NECAB1: variants seen among roughly 807,000 people sequenced by gnomAD.
NECAB1 encodes the protein N-terminal EF-hand calcium binding protein 1, also known as N-terminal EF-hand calcium-binding protein 1.
Under a neutral mutation model 57.5 loss-of-function variants are expected in NECAB1, and 29 were observed. The ratio of observed to expected loss-of-function variants is 0.50; its 90% CI spans 0.38 to 0.69. The LOEUF is 0.69. Ranked by LOEUF, NECAB1 falls within the 30% of genes least tolerant of loss-of-function variation. The probability of loss-of-function intolerance (pLI) is 0.00; values close to 1 mark genes in which losing one functional copy is unlikely to be tolerated. For missense variants in NECAB1, 372 were observed against 413.8 expected, an observed-to-expected ratio of 0.90 and a Z score of 0.88; for synonymous variants, 142 against 147.7, an observed-to-expected ratio of 0.96 and a Z score of 0.28.
intron 11 of NECAB1, among the ~76,000 whole-genome samples, chr8:90,950,860 C>G (rs1190851701): frequency 6.6e-6 from 1 of 152,004 alleles, no homozygotes; most frequent in African/African-American, 2.4e-5. Flanking sequence ...GCAATAAAAT[C>G]TACTTTTTAT....
intron 4 of NECAB1, among the ~76,000 whole-genome samples, chr8:90,875,844 C>A (rs907482472): frequency 1.8e-3 from 155 of 88,170 alleles, no homozygotes; most frequent in Non-Finnish European, 1.9e-3. Flanking sequence ...ACTAAAAATA[C>A]AAAAAAAAAA....
chr8:90,794,696 T>A (rs896908829), intron 1 of NECAB1, among the ~76,000 whole-genome samples: 1 of 152,202 alleles, frequency 6.6e-6, no homozygotes, highest in Non-Finnish European at 1.5e-5. Context: ...CTATGATACT[T>A]CCTTAGGCTG....
rs191512329 is a variant in NECAB1, at chr8:90,932,762, G to C, written c.694-1542G>C. On this transcript the variant is annotated intron_variant, in intron 8 of 12. Coordinates refer to ENST00000417640, the MANE Select transcript of NECAB1 (RefSeq NM_022351.5). Reference sequence around the variant, plus strand: ...ATAGTCTGGATTTCTACAGTTTTCAGTTTACTTCTTATTTATTTGAAGGAG... The same window carrying C: ...ATAGTCTGGATTTCTACAGTTTTCACTTTACTTCTTATTTATTTGAAGGAG... 1.1e-4 allele frequency among the ~76,000 whole-genome samples: 16 copies of C among 152,286 alleles called. No individual in the cohort carries two copies. In the South Asian group the frequency reaches 1.4e-3, roughly 14 times the overall value.
chr8:90,938,815 T>C (rs1810601878), intron 9 of NECAB1, among the ~76,000 whole-genome samples: 1 of 152,188 alleles, frequency 6.6e-6, no homozygotes, highest in Non-Finnish European at 1.5e-5. Context: ...AACATAATAA[T>C]GCATCCCCAA....
intron 5 of NECAB1, among the ~76,000 whole-genome samples, chr8:90,892,134 G>T (rs1809195612): frequency 1.3e-5 from 2 of 152,132 alleles, no homozygotes; most frequent in South Asian, 2.1e-4. Context: ...ATTTTTCCTG[G>T]TTTTCTCAGG....
chr8:90,955,547 CA>C lies in NECAB1; in HGVS notation c.*39del. The C allele has an allele frequency of 6.7e-7, 1 of 1,502,528 alleles. No individual in the cohort carries two copies. Among genetic ancestry groups the C allele is most frequent in the South Asian group, 1.3e-5 (1 of 78,746 alleles). The allele number at this position is 1,502,528 out of a possible 1,614,324, so 93.1% of individuals were successfully genotyped here. A position where few individuals can be genotyped will look rare whatever the true frequency, so the allele number is the denominator to read the frequency against. On this transcript the variant is annotated 3_prime_UTR_variant, in exon 13 of 13. Transcript: ENST00000417640. ...GACATTTTCTTTATGGTTCCAAGTGCAAAACAGGTGTTCTTATCTAAAACGT... is the reference window on the plus strand; with the variant it reads ...GACATTTTCTTTATGGTTCCAAGTGCAAACAGGTGTTCTTATCTAAAACGT...
chr8:90,948,183 A>G (rs1810852243), intron 10 of NECAB1, among the ~76,000 whole-genome samples: 1 of 152,200 alleles, frequency 6.6e-6, no homozygotes, highest in Admixed American at 6.5e-5. Flanking sequence ...TTCCTAGGAA[A>G]ACATATATAT....
chr8:90,824,615 C>T (rs961327338), intron 2 of NECAB1, 102 bp from the exon 3 acceptor site: 20 of 625,168 alleles, frequency 3.2e-5, no homozygotes, highest in Middle Eastern at 4.4e-4. Context: ...TTTGAGTACA[C>T]GTGTGTACAT....
intron 2 of NECAB1, among the ~76,000 whole-genome samples, chr8:90,817,365 G>A (rs1812076151): frequency 6.6e-6 from 1 of 151,286 alleles, no homozygotes; most frequent in South Asian, 2.1e-4. Flanking sequence ...CAATAGGATT[G>A]GTGAAAAAGG....
At chr8:90,870,519 G>A (rs1333647629) in intron 3 of NECAB1, among the ~76,000 whole-genome samples, 2 of 152,016 alleles carry the variant, frequency 1.3e-5, no homozygotes, top group African/African-American at 4.8e-5. Flanking sequence ...TTTTATTACA[G>A]TGTTTCTTTT....
intron 5 of NECAB1, among the ~76,000 whole-genome samples, chr8:90,888,020 T>G (rs1809051496): frequency 6.6e-6 from 1 of 152,158 alleles, no homozygotes. Flanking sequence ...TTTTCATGAT[T>G]GTTTTCTATT....
At chr8:90,945,704 T>C (rs1810790038) in intron 10 of NECAB1, among the ~76,000 whole-genome samples, 1 of 152,144 alleles carries the variant, frequency 6.6e-6, no homozygotes, top group African/African-American at 2.4e-5. Flanking sequence ...TTAAAATCTT[T>C]AATCCCACCT....
At chr8:90,829,381 G>T (rs1278780663) in intron 3 of NECAB1, among the ~76,000 whole-genome samples, 4 of 152,044 alleles carry the variant, frequency 2.6e-5, no homozygotes, top group Non-Finnish European at 4.4e-5. Flanking sequence ...AAACTATGAT[G>T]AATTTAGCAT....
chr8:90,834,164 C>CAAA (rs71560282), intron 3 of NECAB1, among the ~76,000 whole-genome samples: 185 of 48,788 alleles, frequency 3.8e-3, no homozygotes, highest in Middle Eastern at 0.014. Context: ...AACTGTGTCT[C>CAAA]AAAAAAAAAA....
chr8:90,851,510 T>C (rs771076631), intron 3 of NECAB1, among the ~76,000 whole-genome samples: 1 of 152,142 alleles, frequency 6.6e-6, no homozygotes, highest in Non-Finnish European at 1.5e-5. Flanking sequence ...TCCAGACTGT[T>C]GGAGAATTGC....
chr8:90,843,042 C>T (rs183134327), intron 3 of NECAB1, among the ~76,000 whole-genome samples: 61 of 152,188 alleles, frequency 4.0e-4, no homozygotes, highest in Admixed American at 2.0e-3. Context: ...GCTGGGGAGG[C>T]CTCCCAGTCA....
At chr8:90,929,220 C>G (rs1810349509) in intron 8 of NECAB1, among the ~76,000 whole-genome samples, 1 of 152,248 alleles carries the variant, frequency 6.6e-6, no homozygotes, top group South Asian at 2.1e-4. Context: ...ATGTTAAAAT[C>G]TATCCATGCT....
At chr8:90,912,446 T>A (rs1383434133) in intron 5 of NECAB1, among the ~76,000 whole-genome samples, 1 of 152,208 alleles carries the variant, frequency 6.6e-6, no homozygotes, top group Non-Finnish European at 1.5e-5. Flanking sequence ...ACAGAATATC[T>A]GGTTAAGATA....
intron 7 of NECAB1, 123 bp downstream of exon 7, chr8:90,925,779 G>C: frequency 7.6e-7 from 1 of 1,316,722 alleles, no homozygotes; most frequent in African/African-American, 1.5e-5. Context: ...TACCAAGTAA[G>C]TTTGAGACAG....
Sources: allele counts gnomAD v4.1 joint callset (sites outside exome capture counted in the v4.1 genomes callset), GRCh38; gene constraint gnomAD v4.1.1; transcripts MANE v1.5; gene names NCBI Gene and HGNC (gene_info 2026-07-23, HGNC 2026-07-21).